Variants in CSMD3 observed in about 807,000 individuals in gnomAD.
The protein encoded by CSMD3 is CUB and Sushi multiple domains 3, also known as CUB and sushi domain-containing protein 3.
A neutral mutation model predicts 435.2 loss-of-function variants in CSMD3; 177 were observed. That is an observed-to-expected ratio of 0.41 (90% CI 0.36 to 0.46). The LOEUF is 0.46. Among genes scored for constraint, CSMD3 ranks in the 20% least tolerant of loss-of-function variants. The pLI is 0.34. For synonymous variants in CSMD3, 1,656 were observed against 1,520.5 expected (o/e 1.09, Z -2.07); for missense variants, 4,265 against 4,504.6 (o/e 0.95, Z 1.52).
chr8:112,759,981 T>A (rs2077797720), intron 13 of CSMD3, among the ~76,000 whole-genome samples: 1 of 152,150 alleles, frequency 6.6e-6, no homozygotes, highest in South Asian at 2.1e-4. Context: ...GTTTGGAAAC[T>A]GAGGCAAGGT....
chr8:112,666,336 CAA>C lies in CSMD3; in HGVS notation c.2755_2756del (p.Leu919GlufsTer3). 6.2e-7 allele frequency: 1 copy of C among 1,612,522 alleles called. No homozygotes were observed. The highest frequency in any genetic ancestry group is 8.5e-7 in the Non-Finnish European group (1 of 1,179,082). The stretch of plus-strand genomic sequence containing the variant: ...CAGCTTCAATCACCCACTCACAATT[CAA>C]AGAGTCTTTGTAGTATCCTGGCCAT... ...PGWPGYYKDS[L>X]NCEWVIEAEP... is the part of the protein sequence containing the mutation. On this transcript the variant is annotated frameshift_variant, in exon 17 of 71. Coordinates refer to ENST00000297405, the MANE Select transcript of CSMD3 (RefSeq NM_198123.2). LOFTEE classifies it high-confidence loss of function.
chr8:112,593,921 G>T (rs1433664975), intron 22 of CSMD3, among the ~76,000 whole-genome samples: 2 of 152,062 alleles, frequency 1.3e-5, no homozygotes, highest in Non-Finnish European at 2.9e-5. Flanking sequence ...TGATGTTTTT[G>T]TCTTTGGTTT....
chr8:113,129,178 C>T (rs1196289085), intron 4 of CSMD3, among the ~76,000 whole-genome samples: 1 of 152,138 alleles, frequency 6.6e-6, no homozygotes, highest in Admixed American at 6.6e-5. Context: ...TTTCCCTTTT[C>T]ATATTGTGAG....
intron 17 of CSMD3, among the ~76,000 whole-genome samples, chr8:112,659,093 G>A (rs1206901846): frequency 6.6e-6 from 1 of 152,146 alleles, no homozygotes; most frequent in Non-Finnish European, 1.5e-5. Context: ...AAGAGTCAGG[G>A]ATTACTTCAA....
intron 31 of CSMD3, among the ~76,000 whole-genome samples, chr8:112,490,102 T>C (rs898862949): frequency 1.3e-5 from 2 of 152,204 alleles, no homozygotes; most frequent in Non-Finnish European, 2.9e-5. Flanking sequence ...GAACTCTGCG[T>C]TGGAAATCAC....
At chr8:112,731,974 C>T (rs2077084998) in intron 13 of CSMD3, among the ~76,000 whole-genome samples, 2 of 152,012 alleles carry the variant, frequency 1.3e-5, no homozygotes, top group Non-Finnish European at 2.9e-5. Flanking sequence ...CTTGTCTATG[C>T]CAGCAACATC....
chr8:112,785,459 G>A (rs2078514149), intron 13 of CSMD3, among the ~76,000 whole-genome samples: 1 of 152,014 alleles, frequency 6.6e-6, no homozygotes, highest in Non-Finnish European at 1.5e-5. Flanking sequence ...TGGAAAGAAA[G>A]AAGTCACATT....
intron 3 of CSMD3, among the ~76,000 whole-genome samples, chr8:113,275,196 A>G (rs2093560558): frequency 6.6e-6 from 1 of 152,072 alleles, no homozygotes; most frequent in Admixed American, 6.6e-5. Flanking sequence ...GAGAATTATT[A>G]TCTCAATTTT....
chr8:112,244,292 T>A, intron 65 of CSMD3, 102 bp downstream of exon 65: 1 of 969,100 alleles, frequency 1.0e-6, no homozygotes, highest in Non-Finnish European at 1.6e-6. Context: ...GCCAACAAAT[T>A]TCCCTTGTTC....
At chr8:113,090,091 C>CT (rs539280850) in intron 5 of CSMD3, among the ~76,000 whole-genome samples, 237 of 152,036 alleles carry the variant, frequency 1.6e-3, no homozygotes, top group African/African-American at 5.6e-3. Flanking sequence ...CGCTTTTATG[C>CT]TTTTTTTGTA....
chr8:112,967,573 T>A (rs760057668), intron 7 of CSMD3, among the ~76,000 whole-genome samples: 8 of 151,880 alleles, frequency 5.3e-5, no homozygotes, highest in Non-Finnish European at 1.2e-4. Context: ...TTTCTGTTGT[T>A]TAGGTCTCAG....
intron 3 of CSMD3, among the ~76,000 whole-genome samples, chr8:113,252,378 T>C (rs1197463992): frequency 6.6e-6 from 1 of 152,160 alleles, no homozygotes. Flanking sequence ...TTAAAGTGCA[T>C]GTGAAGTTGT....
intron 5 of CSMD3, among the ~76,000 whole-genome samples, chr8:113,025,721 G>T (rs2086851528): frequency 6.6e-6 from 1 of 152,146 alleles, no homozygotes; most frequent in Non-Finnish European, 1.5e-5. Context: ...AGGCACACAT[G>T]GGTGTGATAG....
chr8:112,879,415 T>C (rs1176680415), intron 10 of CSMD3, among the ~76,000 whole-genome samples: 2 of 152,108 alleles, frequency 1.3e-5, no homozygotes, highest in Non-Finnish European at 2.9e-5. Flanking sequence ...TCAATGACTA[T>C]GTGTGCCCAG....
chr8:112,671,681 A>G (rs751536977), intron 16 of CSMD3, among the ~76,000 whole-genome samples: 7 of 152,152 alleles, frequency 4.6e-5, no homozygotes, highest in African/African-American at 9.6e-5. Context: ...AACATGGACT[A>G]GGTAGCGGCA....
At chr8:112,474,213 T>C (rs986753370) in intron 31 of CSMD3, among the ~76,000 whole-genome samples, 2 of 152,062 alleles carry the variant, frequency 1.3e-5, no homozygotes, top group African/African-American at 4.8e-5. Context: ...TACAGAAGAA[T>C]ATTCAACAAA....
chr8:113,146,057 C>A (rs2091665781), intron 4 of CSMD3, among the ~76,000 whole-genome samples: 2 of 151,046 alleles, frequency 1.3e-5, no homozygotes, highest in Non-Finnish European at 3.0e-5. Flanking sequence ...GTTAAAGAAC[C>A]TGAAACATAG....
chr8:113,242,273 A>T (rs2093227338), intron 3 of CSMD3, among the ~76,000 whole-genome samples: 1 of 151,960 alleles, frequency 6.6e-6, no homozygotes, highest in South Asian at 2.1e-4. Flanking sequence ...AATGAACAGA[A>T]TAAAATATTA....
At chr8:112,410,636 A>ATATGTATATATATATG (rs1391045115) in intron 32 of CSMD3, among the ~76,000 whole-genome samples, 2 of 99,964 alleles carry the variant, frequency 2.0e-5, no homozygotes, top group African/African-American at 3.4e-5. Context: ...GTGTATATAT[A>ATATGTATATATATATG]TGTATATATA....
Sources: gnomAD v4.1 joint callset for allele counts (sites outside exome capture counted in the v4.1 genomes callset) on GRCh38, gnomAD v4.1.1 for gene constraint, MANE v1.5 for transcripts, NCBI Gene and HGNC (gene_info 2026-07-23, HGNC 2026-07-21) for gene names.